COL4A4: variants seen among roughly 807,000 people sequenced by gnomAD.
The protein encoded by COL4A4 is collagen type IV alpha 4 chain, also known as collagen alpha-4(IV) chain.
A neutral mutation model predicts 192.9 loss-of-function variants in COL4A4; 105 were observed. The ratio of observed to expected loss-of-function variants is 0.54; its 90% confidence interval spans 0.46 to 0.64. COL4A4 has a LOEUF of 0.64. Among genes scored for constraint, COL4A4 ranks in the 30% least tolerant of loss-of-function variants. The pLI is 0.00. For missense variants in COL4A4, 1,967 were observed against 2,169.3 expected, an observed-to-expected ratio of 0.91 and a Z score of 1.85; for synonymous variants, 762 against 769.9, an observed-to-expected ratio of 0.99 and a Z score of 0.17.
intron 19 of COL4A4, 77 bp downstream of exon 19, chr2:227,098,617 A>G: frequency 9.3e-7 from 1 of 1,078,410 alleles, no homozygotes. Flanking sequence ...TATCAGCTAC[A>G]GTTGAAAGCT....
chr2:227,082,849 CT>C (rs2059395811), intron 22 of COL4A4, among the ~76,000 whole-genome samples: 1 of 152,218 alleles, frequency 6.6e-6, no homozygotes, highest in African/African-American at 2.4e-5. Flanking sequence ...CTCATGCTCT[CT>C]TAACCACAAC....
At chr2:227,077,628 A>G (rs549713132) in intron 25 of COL4A4, among the ~76,000 whole-genome samples, 44 of 152,154 alleles carry the variant, frequency 2.9e-4, no homozygotes, top group African/African-American at 1.0e-3. Context: ...AAACCTGCTC[A>G]TTCTACATAT....
chr2:227,101,940 G>T, intron 15 of COL4A4, 31 bp from the exon 16 acceptor site: 5 of 1,555,234 alleles, frequency 3.2e-6, no homozygotes, highest in Non-Finnish European at 4.4e-6. Flanking sequence ...AGGATAAACA[G>T]AATTAAATCA....
chr2:227,045,645 T>C (rs1295956072), intron 35 of COL4A4, among the ~76,000 whole-genome samples: 1 of 150,318 alleles, frequency 6.7e-6, no homozygotes, highest in African/African-American at 2.5e-5. Context: ...GGTGCACACC[T>C]GTAGTCCCAG....
chr2:227,144,460 A>G (rs1016801094), intron 3 of COL4A4, 56 bp downstream of exon 3: 26 of 1,450,754 alleles, frequency 1.8e-5, no homozygotes, highest in Non-Finnish European at 2.3e-5. Flanking sequence ...AACAAAAATT[A>G]TGCATTCTAT....
At chr2:227,122,170 C>G (rs747014139) in intron 4 of COL4A4, among the ~76,000 whole-genome samples, 55 of 152,290 alleles carry the variant, frequency 3.6e-4, no homozygotes, top group African/African-American at 1.3e-3. Context: ...GCCCCATCTC[C>G]CTTCTGGGGT....
At chr2:227,113,339 GT>G (rs1337758201) in intron 8 of COL4A4, among the ~76,000 whole-genome samples, 1 of 152,018 alleles carries the variant, frequency 6.6e-6, no homozygotes, top group African/African-American at 2.4e-5. Flanking sequence ...GGGATCTTCT[GT>G]TTCCCCTTAA....
the COL4A4 span, among the ~76,000 whole-genome samples, chr2:226,975,208 A>G: frequency 1.3e-5 from 2 of 152,206 alleles, no homozygotes; most frequent in South Asian, 4.1e-4. Flanking sequence ...TCTTCATAAC[A>G]GGACCATGTA....
chr2:226,985,780 C>G, the COL4A4 span, among the ~76,000 whole-genome samples: 1 of 152,210 alleles, frequency 6.6e-6, no homozygotes, highest in Non-Finnish European at 1.5e-5. Context: ...GGTGCAGAAC[C>G]CAGCAAGGTT....
chr2:226,990,955 A>G, the COL4A4 span, among the ~76,000 whole-genome samples: 1 of 152,212 alleles, frequency 6.6e-6, no homozygotes, highest in Non-Finnish European at 1.5e-5. Context: ...ATTTAAGCAG[A>G]GAAAAGAAGA....
chr2:227,104,231 C>T (rs2060686394), intron 12 of COL4A4, 179 bp from the exon 13 acceptor site: 2 of 638,556 alleles, frequency 3.1e-6, no homozygotes, highest in Non-Finnish European at 5.5e-6. Flanking sequence ...ATTTAATACA[C>T]ACTTATTGTT....
intron 4 of COL4A4, among the ~76,000 whole-genome samples, chr2:227,121,787 T>C (rs1328322860): frequency 6.6e-6 from 1 of 151,472 alleles, no homozygotes; most frequent in East Asian, 1.9e-4. Flanking sequence ...CAGAAACACA[T>C]ATATCAAGTG....
intron 22 of COL4A4, among the ~76,000 whole-genome samples, chr2:227,084,398 G>A (rs2059477148): frequency 6.6e-6 from 1 of 152,178 alleles, no homozygotes; most frequent in South Asian, 2.1e-4. Context: ...CATCCCAGGA[G>A]TCTGAGCAGT....
the COL4A4 span, among the ~76,000 whole-genome samples, chr2:226,972,987 A>G: frequency 1.0e-3 from 151 of 151,118 alleles, no homozygotes; most frequent in African/African-American, 3.4e-3. Flanking sequence ...ATGATTTTCT[A>G]TATTTATGTT....
the COL4A4 span, among the ~76,000 whole-genome samples, chr2:226,989,626 G>A: frequency 1.3e-5 from 2 of 152,126 alleles, no homozygotes; most frequent in Non-Finnish European, 2.9e-5. Context: ...TGGGAGGTGG[G>A]GGAATTCTAG....
At chr2:227,034,668 A>C (rs1969211485) in intron 37 of COL4A4, among the ~76,000 whole-genome samples, 1 of 147,896 alleles carries the variant, frequency 6.8e-6, no homozygotes, top group East Asian at 2.0e-4. Context: ...TGCACCCACT[A>C]ACTCGTCATC....
At chr2:227,161,249 T>C (rs572164751) in intron 1 of COL4A4, among the ~76,000 whole-genome samples, 2 of 152,332 alleles carry the variant, frequency 1.3e-5, no homozygotes, top group African/African-American at 4.8e-5. Context: ...GGGGCTTACA[T>C]TGAAATGTAG....
chr2:227,139,790 T>C (rs2125286484), intron 4 of COL4A4, among the ~76,000 whole-genome samples: 1 of 152,330 alleles, frequency 6.6e-6, no homozygotes, highest in East Asian at 1.9e-4. Flanking sequence ...GTCAACTGTC[T>C]GGAAAGACCA....
chr2:227,087,140 G>A (rs947787478), intron 22 of COL4A4, among the ~76,000 whole-genome samples: 2 of 152,160 alleles, frequency 1.3e-5, no homozygotes, highest in African/African-American at 4.8e-5. Flanking sequence ...GGCAGTGCTT[G>A]CATTATGAGC....
Sources: gnomAD v4.1 joint callset for allele counts (sites outside exome capture counted in the v4.1 genomes callset) on GRCh38, gnomAD v4.1.1 for gene constraint, MANE v1.5 for transcripts, NCBI Gene and HGNC (gene_info 2026-07-23, HGNC 2026-07-21) for gene names.